The following TMEM154 variants were observed in gnomAD, a reference collection of about 807,000 sequenced individuals.
The protein encoded by TMEM154 is transmembrane protein 154.
A neutral mutation model predicts 24.5 loss-of-function variants in TMEM154; 27 were observed. The observed-to-expected ratio is 1.10, with a 90% CI of 0.81 to 1.52. The LOEUF (loss-of-function observed/expected upper bound fraction) is 1.52. TMEM154 is among the 40% of genes most tolerant of loss of function. TMEM154 has a pLI of 0.00. For missense variants in TMEM154, 228 were observed against 213.4 expected, an observed-to-expected ratio of 1.07 and a Z score of -0.43; for synonymous variants, 67 against 76.8, an observed-to-expected ratio of 0.87 and a Z score of 0.67.
intron 3 of TMEM154, among the ~76,000 whole-genome samples, chr4:152,645,086 T>C (rs1023217144): frequency 1.3e-5 from 2 of 149,362 alleles, no homozygotes; most frequent in Non-Finnish European, 3.0e-5. Flanking sequence ...TTTCATAATA[T>C]TGGCCACAAT....
chr4:152,648,731 C>T (rs1728314655), intron 3 of TMEM154, among the ~76,000 whole-genome samples: 2 of 152,194 alleles, frequency 1.3e-5, no homozygotes, highest in Non-Finnish European at 2.9e-5. Flanking sequence ...AACCTTGAGA[C>T]TTTCACAATG....
chr4:152,671,516 G>C (rs1396906364), intron 1 of TMEM154, among the ~76,000 whole-genome samples: 1 of 151,708 alleles, frequency 6.6e-6, no homozygotes, highest in Non-Finnish European at 1.5e-5. Flanking sequence ...GGGAGGCCGA[G>C]GCGGGCAGAT....
At chr4:152,640,876 T>TACCC in intron 6 of TMEM154, 52 bp downstream of exon 6, 1 of 1,113,608 alleles carries the variant, frequency 9.0e-7, no homozygotes, top group Non-Finnish European at 1.3e-6. Flanking sequence ...TGGTTCCCAA[T>TACCC]CCCCCCGCCC....
chr4:152,643,288 T>C, intron 4 of TMEM154, 115 bp from the exon 5 acceptor site: 1 of 769,434 alleles, frequency 1.3e-6, no homozygotes, highest in Non-Finnish European at 2.1e-6. Context: ...CAGTGCCTTA[T>C]GCTCTAGGGA....
chr4:152,637,079 G>T (rs755075613), intron 6 of TMEM154, among the ~76,000 whole-genome samples: 1 of 152,126 alleles, frequency 6.6e-6, no homozygotes, highest in Non-Finnish European at 1.5e-5. Flanking sequence ...TGATAATGGG[G>T]GAGGCTGTGC....
chr4:152,629,267 T>C (rs1223567619), intron 6 of TMEM154, among the ~76,000 whole-genome samples: 2 of 152,236 alleles, frequency 1.3e-5, no homozygotes, highest in Admixed American at 1.3e-4. Flanking sequence ...ATTTTCCACA[T>C]GCCGTTTTCT....
chr4:152,646,991 G>A (rs1178723025), intron 3 of TMEM154: 2 of 711,500 alleles, frequency 2.8e-6, no homozygotes, highest in Non-Finnish European at 5.1e-6. Flanking sequence ...ATACCAGGAG[G>A]TCTAGGAAGA....
At chr4:152,639,976 G>T (rs564848980) in intron 6 of TMEM154, among the ~76,000 whole-genome samples, 9 of 152,234 alleles carry the variant, frequency 5.9e-5, no homozygotes, top group Non-Finnish European at 8.8e-5. Flanking sequence ...TGAGGTTTAG[G>T]GGGGAGACGC....
chr4:152,647,437 G>T, intron 3 of TMEM154: 2 of 595,850 alleles, frequency 3.4e-6, no homozygotes, highest in Non-Finnish European at 4.2e-6. Flanking sequence ...GATCACGTCT[G>T]TGTTAAAGCA....
rs746464344 is a variant in TMEM154, at chr4:152,643,058, GA to G, written c.478+29del. On this transcript the variant is annotated intron_variant, in intron 5 of 6. Coordinates refer to ENST00000304385, the MANE Select transcript of TMEM154 (RefSeq NM_152680.3). ...CAGCCTTCTGTTACTAGAGAGGAAA[GA>G]AAAAAAACAACTTTAGGTTACCACA... 10 of 1,554,188 alleles carry G rather than the reference GA, an allele frequency of 6.4e-6. No individual in the cohort carries two copies. The East Asian group carries it at 6.8e-5, about 10-fold the overall frequency.
chr4:152,664,846 T>C (rs1173533747), intron 1 of TMEM154, among the ~76,000 whole-genome samples: 4 of 152,326 alleles, frequency 2.6e-5, no homozygotes, highest in Non-Finnish European at 4.4e-5. Flanking sequence ...AACTCTTCCC[T>C]GCGTTGTGGA....
At chr4:152,650,665 C>T (rs530988375) in intron 3 of TMEM154, among the ~76,000 whole-genome samples, 65 of 152,276 alleles carry the variant, frequency 4.3e-4, no homozygotes, top group Middle Eastern at 6.8e-3. Context: ...GAATTCTTCC[C>T]AGAAGATTCC....
At chr4:152,641,092 T>C in intron 5 of TMEM154, 107 bp from the exon 6 acceptor site, 1 of 1,003,798 alleles carries the variant, frequency 1.0e-6, no homozygotes, top group South Asian at 1.7e-5. Flanking sequence ...CGTGGTTACT[T>C]GCACAAAAAT....
At chr4:152,664,933 A>G (rs959237097) in intron 1 of TMEM154, among the ~76,000 whole-genome samples, 2 of 138,426 alleles carry the variant, frequency 1.4e-5, no homozygotes, top group Non-Finnish European at 1.6e-5. Context: ...TCTCCTGTAT[A>G]TAATGAAGAG....
intron 1 of TMEM154, among the ~76,000 whole-genome samples, chr4:152,661,284 T>TTCTCTC (rs70949609): frequency 0.011 from 672 of 63,400 alleles, 70 homozygotes; most frequent in Middle Eastern, 0.013. Context: ...ATTGTTCTCT[T>TTCTCTC]TCTCTCTCTC....
intron 3 of TMEM154, among the ~76,000 whole-genome samples, chr4:152,650,615 C>G (rs1184561516): frequency 1.3e-5 from 2 of 152,162 alleles, no homozygotes; most frequent in Non-Finnish European, 2.9e-5. Context: ...TTGATCTCCT[C>G]CTATGAATCG....
chr4:152,630,309 C>CAAAAAAA (rs56827457), intron 6 of TMEM154, among the ~76,000 whole-genome samples: 3 of 91,316 alleles, frequency 3.3e-5, no homozygotes, highest in Non-Finnish European at 2.0e-5. Context: ...CACCCTGTCT[C>CAAAAAAA]AAAAAAAAAA....
chr4:152,665,114 C>T (rs866224721), intron 1 of TMEM154, among the ~76,000 whole-genome samples: 7 of 152,150 alleles, frequency 4.6e-5, no homozygotes, highest in African/African-American at 1.2e-4. Flanking sequence ...CTAGGGAGAA[C>T]GAAGCAGGAG....
chr4:152,644,769 AG>A (rs1026928803), intron 3 of TMEM154, among the ~76,000 whole-genome samples: 2 of 152,202 alleles, frequency 1.3e-5, no homozygotes, highest in African/African-American at 4.8e-5. Flanking sequence ...GTGAAACAAG[AG>A]GGCTTGCTCC....
Sources: gnomAD v4.1 joint callset for allele counts (sites outside exome capture counted in the v4.1 genomes callset) on GRCh38, gnomAD v4.1.1 for gene constraint, MANE v1.5 for transcripts, NCBI Gene and HGNC (gene_info 2026-07-23, HGNC 2026-07-21) for gene names.